The following HSPA2 variants were observed in gnomAD, a reference collection of about 807,000 sequenced individuals.
HSPA2 encodes the protein heat shock protein family A (Hsp70) member 2, also known as heat shock-related 70 kDa protein 2.
HSPA2 carries 13 observed loss-of-function variants against 35.0 expected under a neutral mutation model. The ratio of observed to expected loss-of-function variants is 0.37; its 90% CI spans 0.24 to 0.59. HSPA2 has a LOEUF of 0.59. Ranked by LOEUF, HSPA2 falls within the 20% of genes least tolerant of loss-of-function variation. The probability of loss-of-function intolerance (pLI) is 0.70; values close to 1 mark genes in which losing one functional copy is unlikely to be tolerated. For synonymous variants in HSPA2, 368 were observed against 382.1 expected, an observed-to-expected ratio of 0.96 and a Z score of 0.43; for missense variants, 565 against 885.4, an observed-to-expected ratio of 0.64 and a Z score of 4.59.
rs139711462 is a variant in HSPA2, at chr14:64,542,448, G to C, written c.1599G>C (p.Glu533Asp). 1.9e-6 allele frequency: 3 copies of C among 1,613,730 alleles called. No homozygotes were observed. The highest frequency in any genetic ancestry group is 2.7e-5 in the African/African-American group (2 of 74,844). Residue 533 changes from glutamate (E) to aspartate (D), a missense_variant, in exon 1 of 1, where the codon GAG (glutamate) becomes GAC (aspartate). Transcript: ENST00000247207. This position sits in a 1 kb window ranked among gnomAD's most constrained non-coding sequence, Gnocchi z 5.7. ...QEAERYKSED[E>D]ANRDRVAAKN... ...CGGAGCGGTACAAATCGGAAGATGA[G>C]GCGAATCGCGACCGAGTCGCGGCCA...
In HSPA2 at chr14:64,541,794, G is replaced by T. The variant is rs779747897; in HGVS notation, c.945G>T (p.Gly315=). The part of the protein sequence containing the change: ...FEELNADLFR[G]TLEPVEKALR... ...AGCTCAATGCCGACCTCTTTCGCGG[G>T]ACCCTGGAGCCGGTGGAGAAGGCGC... Residue 315 remains glycine, a synonymous_variant, in exon 1 of 1, where the codon GGG becomes GGT. Transcript: ENST00000247207. 60 of 1,613,360 alleles carry T rather than the reference G, an allele frequency of 3.7e-5. No individual in the cohort carries two copies. In the Admixed American group the frequency reaches 9.5e-4, roughly 26 times the overall value.
Position 64,542,249 on chromosome 14 carries a change from T to C in HSPA2, c.1400T>C (p.Ile467Thr), listed in dbSNP as rs1387130489. 1.2e-6 allele frequency: 2 copies of C among 1,613,952 alleles called. No individual in the cohort carries two copies. ...CTGGGCAAGTTCGACCTGACCGGGA[T>C]TCCCCCTGCGCCTCGCGGGGTCCCC... ...NLLGKFDLTG[I>T]PPAPRGVPQI... Residue 467 changes from isoleucine to threonine, a missense_variant, in exon 1 of 1, where the codon ATT (isoleucine) becomes ACT (threonine). Ile to Thr is a moderately conservative substitution (Grantham distance 89, BLOSUM62 -1). Coordinates refer to ENST00000247207, the MANE Select transcript of HSPA2 (RefSeq NM_021979.4). The surrounding 1 kb of genome is among the most constrained non-coding windows in gnomAD (Gnocchi z 5.7).
upstream of HSPA2, among the ~76,000 whole-genome samples, chr14:64,536,187 C>T (rs2079979752): frequency 6.6e-6 from 1 of 152,132 alleles, no homozygotes; most frequent in Admixed American, 6.5e-5. Context: ...GATTATCCTA[C>T]ATATAAGAAG....
upstream of HSPA2, among the ~76,000 whole-genome samples, chr14:64,537,021 T>A (rs920883809): frequency 3.3e-5 from 5 of 152,216 alleles, no homozygotes; most frequent in Non-Finnish European, 5.9e-5. Flanking sequence ...GAAGCTCTAA[T>A]TTTAGTGATT....
chr14:64,537,071 T>C (rs901014492), upstream of HSPA2, among the ~76,000 whole-genome samples: 1 of 152,196 alleles, frequency 6.6e-6, no homozygotes, highest in Non-Finnish European at 1.5e-5. Flanking sequence ...TTTGCAATCT[T>C]GGTTTGCTTG....
Position 64,542,826 on chromosome 14 carries a change from G to C in HSPA2, c.*57G>C. 8.1e-7 allele frequency: 1 copy of C among 1,233,634 alleles called. No individual in the cohort carries two copies. Among genetic ancestry groups the C allele is most frequent in the Non-Finnish European group, 1.1e-6 (1 of 894,114 alleles). 76.4% of individuals were successfully genotyped at this position (1,233,634 alleles called of 1,614,324 possible). ...CCTTTCTCTCTCTCTCTTTTTTTTT[G>C]TTTGTTTCTTTGAAATGTCCTTGTG... On this transcript the variant is annotated 3_prime_UTR_variant, in exon 1 of 1. Transcript: ENST00000247207. This position sits in a 1 kb window ranked among gnomAD's most constrained non-coding sequence, Gnocchi z 5.7.
chr14:64,541,841 A>C lies in HSPA2; in HGVS notation c.992A>C (p.Lys331Thr). Residue 331 changes from lysine to threonine, a missense_variant, in exon 1 of 1, where the codon AAG (lysine) becomes ACG (threonine). Physicochemically the swap from Lys to Thr is moderately conservative, Grantham distance 78. Coordinates refer to ENST00000247207, the MANE Select transcript of HSPA2 (RefSeq NM_021979.4). ...GCGCTGCGCGACGCCAAGCTGGACA[A>C]GGGCCAGATCCAGGAGATCGTGCTG... Reference protein sequence around the residue: ...EKALRDAKLDKGQIQEIVLVG... With the variant: ...EKALRDAKLDTGQIQEIVLVG... 2.5e-6 allele frequency: 4 copies of C among 1,613,660 alleles called. No individual in the cohort carries two copies. Among genetic ancestry groups the C allele is most frequent in the Non-Finnish European group, 2.5e-6 (3 of 1,180,038 alleles).
At chr14:64,537,492 G>A (rs1164291307), upstream of HSPA2, among the ~76,000 whole-genome samples, 2 of 151,742 alleles carry the variant, frequency 1.3e-5, no homozygotes, top group Admixed American at 1.3e-4. Flanking sequence ...CTGGAAGGCT[G>A]AGGCACGACA....
Position 64,541,346 on chromosome 14 carries a change from C to A in HSPA2, c.497C>A (p.Thr166Lys). The change falls in exon 1 of 1, where the codon ACG becomes AAG. Residue 166 changes from threonine to lysine, a missense_variant. Coordinates refer to ENST00000247207, the MANE Select transcript of HSPA2 (RefSeq NM_021979.4). ...RQATKDAGTI[T>K]GLNVLRIINE... ...GCCACCAAGGACGCAGGCACCATCA[C>A]GGGGCTCAATGTGCTGCGCATCATC... The A allele has an allele frequency of 6.2e-7, 1 of 1,613,750 alleles. No homozygotes were observed.
In HSPA2 at chr14:64,541,260, G is replaced by T; in HGVS notation, c.411G>T (p.Gly137=). Residue 137 remains glycine (G), a synonymous_variant, in exon 1 of 1, where the codon GGG becomes GGT. Transcript: ENST00000247207. Reference sequence around the variant, plus strand: ...AGGAGATCGCGGAAGCCTACCTGGGGGGCAAGGTGCACAGCGCGGTCATAA... The same window carrying T: ...AGGAGATCGCGGAAGCCTACCTGGGTGGCAAGGTGCACAGCGCGGTCATAA... ...KMKEIAEAYL[G]GKVHSAVITV... is the part of the protein sequence containing the mutation. The T allele has an allele frequency of 1.9e-6, 3 of 1,613,544 alleles. No homozygotes were observed.
chr14:64,538,628 C>G (rs2079998052), upstream of HSPA2, among the ~76,000 whole-genome samples: 1 of 152,230 alleles, frequency 6.6e-6, no homozygotes, highest in Non-Finnish European at 1.5e-5. Flanking sequence ...GGGTGTGCCC[C>G]TCTGTGTTCC....
At chr14:64,539,999 G>T (rs143235712), upstream of HSPA2, among the ~76,000 whole-genome samples, 10 of 151,950 alleles carry the variant, frequency 6.6e-5, no homozygotes, top group Admixed American at 5.2e-4. Flanking sequence ...AGTTTTAATC[G>T]AGCGCTCACA....
At position 64,540,883 on chromosome 14, in the gene HSPA2, C is replaced by T; in HGVS notation, c.34C>T (p.Leu12=). Reference sequence around the variant, plus strand: ...CCGTGGCCCGGCTATCGGCATCGACCTGGGCACCACCTATTCGTGCGTCGG... The same window carrying T: ...CCGTGGCCCGGCTATCGGCATCGACTTGGGCACCACCTATTCGTGCGTCGG... ...SARGPAIGID[L]GTTYSCVGVF... is the part of the protein sequence containing the mutation. The change falls in exon 1 of 1, where the codon CTG becomes TTG. Residue 12 remains leucine, a synonymous_variant. Transcript: ENST00000247207. 6.2e-7 allele frequency: 1 copy of T among 1,614,148 alleles called. No homozygotes were observed. The highest frequency in any genetic ancestry group is 8.5e-7 in the Non-Finnish European group (1 of 1,180,042).
At chr14:64,540,664 G>C (rs2080020082), upstream of HSPA2, 1 of 827,634 alleles carries the variant, frequency 1.2e-6, no homozygotes, top group Non-Finnish European at 1.8e-6. Context: ...GAGTTTGTGA[G>C]GGCGGTCCCG....
upstream of HSPA2, among the ~76,000 whole-genome samples, chr14:64,539,613 T>C (rs45472695): frequency 0.026 from 3,755 of 146,998 alleles, 53 homozygotes; most frequent in Middle Eastern, 0.056. Flanking sequence ...CCAGCCGCCC[T>C]CACGCGGCGC....
chr14:64,536,264 T>G (rs2079980202), upstream of HSPA2, among the ~76,000 whole-genome samples: 1 of 152,246 alleles, frequency 6.6e-6, no homozygotes, highest in South Asian at 2.1e-4. Flanking sequence ...ATTAAAAATC[T>G]TGTAAACCAT....
upstream of HSPA2, among the ~76,000 whole-genome samples, chr14:64,536,928 T>C (rs918607455): frequency 6.6e-6 from 1 of 152,154 alleles, no homozygotes; most frequent in African/African-American, 2.4e-5. Flanking sequence ...TAAAGATGAA[T>C]GTGGTGGTCA....
In HSPA2 at chr14:64,541,882, C is replaced by G; in HGVS notation, c.1033C>G (p.Arg345Gly). Residue 345 changes from arginine (R) to glycine (G), a missense_variant, in exon 1 of 1, where the codon CGT (arginine) becomes GGT (glycine). Physicochemically the swap from Arg to Gly is moderately radical, Grantham distance 125. Transcript: ENST00000247207. The stretch of plus-strand genomic sequence containing the variant: ...GATCGTGCTGGTGGGCGGCTCCACT[C>G]GTATCCCCAAGATCCAGAAGCTGCT... ...QEIVLVGGST[R>G]IPKIQKLLQD... The G allele has an allele frequency of 6.2e-7, 1 of 1,613,558 alleles. No individual in the cohort carries two copies. Among genetic ancestry groups the G allele is most frequent in the Non-Finnish European group, 8.5e-7 (1 of 1,180,030 alleles).
At position 64,542,307 on chromosome 14, in the gene HSPA2, TG is replaced by T; in HGVS notation, c.1460del (p.Gly487AlafsTer27). On this transcript the variant is annotated frameshift_variant, in exon 1 of 1. Coordinates refer to ENST00000247207, the MANE Select transcript of HSPA2 (RefSeq NM_021979.4). LOFTEE classifies it high-confidence loss of function. This position sits in a 1 kb window ranked among gnomAD's most constrained non-coding sequence, Gnocchi z 5.7. Reference protein sequence around the residue: ...IEVTFDIDANGILNVTAADKS... With the variant: ...IEVTFDIDANXILNVTAADKS... ...AGGTTACCTTCGACATTGACGCCAA[TG>T]GCATCCTTAACGTTACCGCCGCCGA... The T allele has an allele frequency of 6.2e-7, 1 of 1,613,716 alleles. No homozygotes were observed. The highest frequency in any genetic ancestry group is 8.5e-7 in the Non-Finnish European group (1 of 1,179,882).
Sources: allele counts gnomAD v4.1 joint callset (sites outside exome capture counted in the v4.1 genomes callset), GRCh38; gene constraint gnomAD v4.1.1; non-coding constraint Gnocchi (gnomAD v3.1); transcripts MANE v1.5; gene names NCBI Gene and HGNC (gene_info 2026-07-23, HGNC 2026-07-21).